CADM2: variants seen among roughly 807,000 people sequenced by gnomAD.
The protein encoded by CADM2 is cell adhesion molecule 2.
CADM2 carries 12 observed loss-of-function variants against 49.8 expected under a neutral mutation model. The ratio of observed to expected loss-of-function variants is 0.24; its 90% CI spans 0.15 to 0.39. CADM2 has a LOEUF of 0.39. Ranked by LOEUF, CADM2 falls within the 10% of genes least tolerant of loss-of-function variation. The pLI is 1.00. For synonymous variants in CADM2, 214 were observed against 175.4 expected (o/e 1.22, Z -1.74); for missense variants, 378 against 492.3 (o/e 0.77, Z 2.20).
intron 1 of CADM2, among the ~76,000 whole-genome samples, chr3:85,266,397 G>T (rs2043121859): frequency 6.6e-6 from 1 of 151,832 alleles, no homozygotes; most frequent in African/African-American, 2.4e-5. Flanking sequence ...ATGGGTTATA[G>T]TAGATAATAG....
At chr3:85,889,890 G>T (rs1714187569) in intron 5 of CADM2, among the ~76,000 whole-genome samples, 1 of 152,080 alleles carries the variant, frequency 6.6e-6, no homozygotes, top group Non-Finnish European at 1.5e-5. Context: ...CTACAGTTTT[G>T]TGCAGAAGTA....
chr3:85,219,284 T>G (rs1217629883), intron 1 of CADM2, among the ~76,000 whole-genome samples: 1 of 152,192 alleles, frequency 6.6e-6, no homozygotes, highest in Non-Finnish European at 1.5e-5. Flanking sequence ...GATTTTTTAT[T>G]TTTAGTAATA....
At chr3:85,271,209 T>C (rs934784654) in intron 1 of CADM2, among the ~76,000 whole-genome samples, 2 of 151,454 alleles carry the variant, frequency 1.3e-5, no homozygotes, top group Admixed American at 1.3e-4. Flanking sequence ...ATTTGAATCA[T>C]GCTGTATGTT....
In CADM2 at chr3:85,863,170, G is replaced by T. The variant is rs75688689; in HGVS notation, c.239-20121G>T. ...TAAGATGAAAGCATTTTATAAGCAG[G>T]TGATAGGCATGAATAGGGGAGTAGA... On this transcript the variant is annotated intron_variant, in intron 3 of 9. Transcript: ENST00000383699. Among the ~76,000 whole-genome samples, 354 of 152,254 alleles carry T rather than the reference G, an allele frequency of 2.3e-3. 1 individual carries two copies. Among genetic ancestry groups the T allele is most frequent in the African/African-American group, 8.3e-3 (345 of 41,548 alleles).
intron 1 of CADM2, among the ~76,000 whole-genome samples, chr3:85,418,068 C>T (rs2035995176): frequency 6.6e-6 from 1 of 151,920 alleles, no homozygotes; most frequent in South Asian, 2.1e-4. Context: ...TTTGTTTTTT[C>T]AGTAAATATC....
chr3:85,691,449 G>C lies in CADM2; in HGVS notation c.62-35073G>C, dbSNP rs115554094. ...TTTTTGCTGAAAATCTAGGCTGCTTGTTCCATTTATGCAGAACAACAACTA... is the reference window on the plus strand; with the variant it reads ...TTTTTGCTGAAAATCTAGGCTGCTTCTTCCATTTATGCAGAACAACAACTA... On this transcript the variant is annotated intron_variant, in intron 1 of 9. Coordinates refer to ENST00000383699, the MANE Select transcript of CADM2 (RefSeq NM_001167675.2). Among the ~76,000 whole-genome samples the C allele has an allele frequency of 2.7e-3, 404 of 152,254 alleles. 3 individuals carry two copies. The highest frequency in any genetic ancestry group is 4.5e-3 in the Non-Finnish European group (303 of 68,016).
intron 1 of CADM2, among the ~76,000 whole-genome samples, chr3:85,321,111 TATATA>T (rs1192359113): frequency 1.6e-3 from 65 of 39,774 alleles, no homozygotes; most frequent in Middle Eastern, 0.01. Context: ...TATATATATA[TATATA>T]TTTTTTTTTT....
intron 1 of CADM2, among the ~76,000 whole-genome samples, chr3:85,589,792 G>C (rs1269487024): frequency 6.6e-6 from 1 of 151,880 alleles, no homozygotes; most frequent in East Asian, 1.9e-4. Context: ...GTGGACCTTA[G>C]TTTAGGAATT....
At chr3:85,822,631 C>A (rs2073657380) in intron 3 of CADM2, among the ~76,000 whole-genome samples, 1 of 151,950 alleles carries the variant, frequency 6.6e-6, no homozygotes, top group African/African-American at 2.4e-5. Context: ...CCAAAAAAGG[C>A]AAATTTTACC....
chr3:85,573,224 C>CT (rs1559919287), intron 1 of CADM2, among the ~76,000 whole-genome samples: 3 of 33,180 alleles, frequency 9.0e-5, no homozygotes, highest in South Asian at 7.9e-4. Context: ...GGCAAGGTCT[C>CT]GCCTGTTGCC....
intron 6 of CADM2, among the ~76,000 whole-genome samples, chr3:85,922,609 G>C (rs183606464): frequency 6.6e-6 from 1 of 152,070 alleles, no homozygotes; most frequent in Non-Finnish European, 1.5e-5. Flanking sequence ...TAAATAATGA[G>C]TCAAGCTTCA....
At chr3:85,437,962 A>G (rs917126697) in intron 1 of CADM2, among the ~76,000 whole-genome samples, 2 of 152,060 alleles carry the variant, frequency 1.3e-5, no homozygotes, top group African/African-American at 4.8e-5. Flanking sequence ...ACCACTTGTT[A>G]CTTTATTGTG....
At chr3:85,797,106 A>G (rs2071674546) in intron 2 of CADM2, among the ~76,000 whole-genome samples, 1 of 151,486 alleles carries the variant, frequency 6.6e-6, no homozygotes, top group African/African-American at 2.4e-5. Context: ...AAAAAAAAAG[A>G]AAAAGAAAAA....
At chr3:85,435,495 A>T (rs1412529286) in intron 1 of CADM2, among the ~76,000 whole-genome samples, 1 of 152,130 alleles carries the variant, frequency 6.6e-6, no homozygotes, top group Non-Finnish European at 1.5e-5. Context: ...ATGTGTCTTT[A>T]TAGTAGAATG....
At chr3:86,005,224 A>G (rs912004383) in intron 8 of CADM2, among the ~76,000 whole-genome samples, 1 of 152,064 alleles carries the variant, frequency 6.6e-6, no homozygotes, top group Non-Finnish European at 1.5e-5. Flanking sequence ...AAATCATGTA[A>G]TCTCCAGGAA....
At chr3:85,334,919 TA>T (rs1325589128) in intron 1 of CADM2, among the ~76,000 whole-genome samples, 1 of 151,314 alleles carries the variant, frequency 6.6e-6, no homozygotes, top group Non-Finnish European at 1.5e-5. Flanking sequence ...ATTCTCATTA[TA>T]ATTTAGTAAC....
intron 1 of CADM2, among the ~76,000 whole-genome samples, chr3:85,295,134 A>G (rs2043921703): frequency 6.6e-6 from 1 of 152,244 alleles, no homozygotes; most frequent in Non-Finnish European, 1.5e-5. Context: ...GGCAAAGGAC[A>G]TGAACAGACA....
chr3:85,215,182 C>T (rs772711095), intron 1 of CADM2, among the ~76,000 whole-genome samples: 16 of 151,494 alleles, frequency 1.1e-4, no homozygotes, highest in African/African-American at 3.9e-4. Flanking sequence ...GCTAATGAAT[C>T]CTGCCAGGAA....
chr3:85,907,892 C>A (rs1717015280), intron 5 of CADM2, among the ~76,000 whole-genome samples: 1 of 147,424 alleles, frequency 6.8e-6, no homozygotes. Flanking sequence ...GCCTGGGTGA[C>A]AGAATGAGAC....
Sources: gnomAD v4.1 joint callset for allele counts (sites outside exome capture counted in the v4.1 genomes callset) on GRCh38, gnomAD v4.1.1 for gene constraint, MANE v1.5 for transcripts, NCBI Gene and HGNC (gene_info 2026-07-23, HGNC 2026-07-21) for gene names.